ESRRG: variants seen among roughly 807,000 people sequenced by gnomAD.
ESRRG encodes estrogen-related receptor gamma.
In ESRRG, 13 loss-of-function variants were observed where a neutral mutation model predicts 44.0. That is an observed-to-expected ratio of 0.30 (90% CI 0.19 to 0.47). The LOEUF is 0.47. Ranked by LOEUF, ESRRG falls within the 20% of genes least tolerant of loss-of-function variation. ESRRG has a pLI of 1.00. For missense variants in ESRRG, 395 were observed against 580.6 expected, an observed-to-expected ratio of 0.68 and a Z score of 3.29; for synonymous variants, 215 against 214.6, an observed-to-expected ratio of 1.00 and a Z score of -0.02.
chr1:216,905,743 C>G (rs2059612380), intron 2 of ESRRG, among the ~76,000 whole-genome samples: 1 of 152,008 alleles, frequency 6.6e-6, no homozygotes, highest in Non-Finnish European at 1.5e-5. Context: ...TAAATTTATT[C>G]TTCTTCTTTT....
At chr1:216,834,991 A>G (rs2095541455) in intron 2 of ESRRG, among the ~76,000 whole-genome samples, 1 of 152,190 alleles carries the variant, frequency 6.6e-6, no homozygotes, top group Non-Finnish European at 1.5e-5. Context: ...AAAATGTTCT[A>G]TGATAATCAG....
At chr1:216,728,169 A>G (rs1461124906), upstream of ESRRG, among the ~76,000 whole-genome samples, 1 of 152,202 alleles carries the variant, frequency 6.6e-6, no homozygotes, top group Non-Finnish European at 1.5e-5. Context: ...ATGTATTTAC[A>G]GAGCAATAGT....
intron 3 of ESRRG, among the ~76,000 whole-genome samples, chr1:216,612,146 A>T (rs989252786): frequency 6.6e-6 from 1 of 152,222 alleles, no homozygotes; most frequent in African/African-American, 2.4e-5. Context: ...AAGGGAAATT[A>T]TCTATACTAA....
At chr1:216,969,430 CATAAAAAAT>C (rs1433473782) in intron 1 of ESRRG, among the ~76,000 whole-genome samples, 1 of 151,802 alleles carries the variant, frequency 6.6e-6, no homozygotes, top group Non-Finnish European at 1.5e-5. Context: ...TAGAAAAAAA[CATAAAAAAT>C]AGGTAAACCT....
intron 2 of ESRRG, among the ~76,000 whole-genome samples, chr1:216,839,395 G>T (rs1258503275): frequency 6.6e-6 from 1 of 152,100 alleles, no homozygotes; most frequent in Non-Finnish European, 1.5e-5. Flanking sequence ...ATGAGGGTTG[G>T]AATCAAGTTC....
At chr1:216,621,224 T>A (rs982026065) in intron 3 of ESRRG, among the ~76,000 whole-genome samples, 1 of 152,256 alleles carries the variant, frequency 6.6e-6, no homozygotes, top group Non-Finnish European at 1.5e-5. Flanking sequence ...AAAATTCAGT[T>A]TATTATCCAA....
intron 1 of ESRRG, among the ~76,000 whole-genome samples, chr1:216,942,179 TTC>T (rs1242303082): frequency 6.6e-6 from 1 of 152,210 alleles, no homozygotes; most frequent in African/African-American, 2.4e-5. Flanking sequence ...GGTTTTCTGT[TTC>T]TGTGTTAATT....
At chr1:216,517,825 G>C (rs893680074) in intron 6 of ESRRG, among the ~76,000 whole-genome samples, 4 of 152,072 alleles carry the variant, frequency 2.6e-5, no homozygotes, top group Non-Finnish European at 5.9e-5. Context: ...TCACAGGAGC[G>C]TAGAAGAAGA....
At chr1:217,067,707 C>T (rs971509518) in intron 1 of ESRRG, among the ~76,000 whole-genome samples, 4 of 152,086 alleles carry the variant, frequency 2.6e-5, no homozygotes, top group African/African-American at 9.7e-5. Context: ...TTAACCCAGG[C>T]CAAGAAATCC....
chr1:217,104,449 C>T (rs2092561976), intron 1 of ESRRG, among the ~76,000 whole-genome samples: 1 of 152,240 alleles, frequency 6.6e-6, no homozygotes, highest in Non-Finnish European at 1.5e-5. Flanking sequence ...CTCTATCACT[C>T]ACCAGCCGAG....
intron 1 of ESRRG, among the ~76,000 whole-genome samples, chr1:217,010,093 T>C (rs1215160481): frequency 6.6e-6 from 1 of 152,036 alleles, no homozygotes; most frequent in East Asian, 1.9e-4. Context: ...ATTGATGGAG[T>C]ACAATACGAA....
intron 1 of ESRRG, among the ~76,000 whole-genome samples, chr1:217,120,975 G>A (rs190481414): frequency 2.0e-5 from 3 of 152,268 alleles, no homozygotes; most frequent in African/African-American, 7.2e-5. Context: ...TCCAAGGCAT[G>A]GCACAGTGCC....
Position 216,877,379 on chromosome 1 carries a change from G to GTTT in ESRRG, c.-14+62200_-14+62202dup, listed in dbSNP as rs72314566. On this transcript the variant is annotated intron_variant, in intron 2 of 7. Transcript: ENST00000359162. Reference sequence around the variant, plus strand: ...TGCAATGCTTTTTTATAGGTATGGTGTTTTTTTTTGTTTGTTTGTTTGTTT... The same window carrying GTTT: ...TGCAATGCTTTTTTATAGGTATGGTGTTTTTTTTTTTTGTTTGTTTGTTTGTTT... Among the ~76,000 whole-genome samples, 130 of 141,048 alleles carry GTTT rather than the reference G, an allele frequency of 9.2e-4. 1 individual carries two copies. Among genetic ancestry groups the GTTT allele is most frequent in the South Asian group, 1.9e-3 (8 of 4,222 alleles). The allele number at this position is 141,048 out of a possible 152,430, so 92.5% of individuals were successfully genotyped here.
intron 3 of ESRRG, among the ~76,000 whole-genome samples, chr1:216,635,392 A>G (rs533858106): frequency 4.3e-4 from 66 of 152,250 alleles, no homozygotes; most frequent in African/African-American, 1.5e-3. Context: ...AACTATAGCA[A>G]ATGGTTTTTA....
At chr1:216,713,003 G>A (rs1349232249) in intron 1 of ESRRG, among the ~76,000 whole-genome samples, 1 of 152,172 alleles carries the variant, frequency 6.6e-6, no homozygotes, top group Non-Finnish European at 1.5e-5. Flanking sequence ...TGAACATTCT[G>A]TTCCTGAATT....
chr1:216,673,833 T>C (rs2075632236), intron 2 of ESRRG, among the ~76,000 whole-genome samples: 1 of 152,206 alleles, frequency 6.6e-6, no homozygotes, highest in South Asian at 2.1e-4. Context: ...GCAGGAGACA[T>C]TTGTTAGAGG....
intron 1 of ESRRG, among the ~76,000 whole-genome samples, chr1:216,958,932 T>C (rs1323564913): frequency 2.6e-5 from 4 of 152,176 alleles, no homozygotes; most frequent in Non-Finnish European, 4.4e-5. Context: ...CTGCACAAAA[T>C]AGCAACCAGA....
At chr1:216,840,657 T>C (rs1017754238) in intron 2 of ESRRG, among the ~76,000 whole-genome samples, 1 of 152,152 alleles carries the variant, frequency 6.6e-6, no homozygotes, top group African/African-American at 2.4e-5. Flanking sequence ...GTGTAACTCT[T>C]TCCTTCACTT....
chr1:216,834,998 T>C (rs1016422573), intron 2 of ESRRG, among the ~76,000 whole-genome samples: 1 of 152,100 alleles, frequency 6.6e-6, no homozygotes, highest in Admixed American at 6.5e-5. Context: ...TCTATGATAA[T>C]CAGGGGGAGA....
Sources: allele counts gnomAD v4.1 joint callset (sites outside exome capture counted in the v4.1 genomes callset), GRCh38; gene constraint gnomAD v4.1.1; transcripts MANE v1.5; gene names NCBI Gene and HGNC (gene_info 2026-07-23, HGNC 2026-07-21).